The following SPATA17 variants were observed in gnomAD, a reference collection of about 807,000 sequenced individuals.
SPATA17 encodes spermatogenesis-associated protein 17.
A neutral mutation model predicts 62.2 loss-of-function variants in SPATA17; 53 were observed. The ratio of observed to expected loss-of-function variants is 0.85; its 90% CI spans 0.68 to 1.07. The LOEUF is 1.07. SPATA17 is among the 50% of genes least tolerant of loss of function. The pLI is 0.00. For synonymous variants in SPATA17, 146 were observed against 146.8 expected, an observed-to-expected ratio of 0.99 and a Z score of 0.04; for missense variants, 466 against 425.5, an observed-to-expected ratio of 1.10 and a Z score of -0.84.
At chr1:217,740,880 G>T (rs576364425) in intron 5 of SPATA17, among the ~76,000 whole-genome samples, 46 of 152,188 alleles carry the variant, frequency 3.0e-4, no homozygotes, top group Non-Finnish European at 5.6e-4. Flanking sequence ...ATCTTACGTT[G>T]AAAAAAATTG....
At chr1:217,718,478 A>G (rs1672056516) in intron 5 of SPATA17, among the ~76,000 whole-genome samples, 1 of 152,218 alleles carries the variant, frequency 6.6e-6, no homozygotes, top group Admixed American at 6.5e-5. Context: ...CAGGTGGTTT[A>G]GGTAACTTAA....
chr1:217,845,485 GCT>G (rs1676133725), intron 9 of SPATA17, among the ~76,000 whole-genome samples: 1 of 152,002 alleles, frequency 6.6e-6, no homozygotes, highest in South Asian at 2.1e-4. Context: ...TGCCTTTACA[GCT>G]CTCTCTGCAT....
At chr1:217,726,673 C>T (rs977349507) in intron 5 of SPATA17, among the ~76,000 whole-genome samples, 6 of 150,296 alleles carry the variant, frequency 4.0e-5, no homozygotes, top group African/African-American at 1.5e-4. Flanking sequence ...GTGACTGTTC[C>T]TTGTTTTCAT....
At chr1:217,700,672 C>T (rs1374353075) in intron 5 of SPATA17, among the ~76,000 whole-genome samples, 5 of 151,834 alleles carry the variant, frequency 3.3e-5, no homozygotes, top group East Asian at 1.9e-4. Flanking sequence ...CTGCACCCTC[C>T]GCCTCCCAGG....
chr1:217,747,674 G>A (rs978857378), intron 6 of SPATA17, among the ~76,000 whole-genome samples: 8 of 152,004 alleles, frequency 5.3e-5, no homozygotes, highest in Non-Finnish European at 1.0e-4. Flanking sequence ...ATTTGGTGTG[G>A]CATTTAAGGG....
intron 5 of SPATA17, among the ~76,000 whole-genome samples, chr1:217,709,213 G>A (rs1430060576): frequency 1.3e-5 from 2 of 152,108 alleles, no homozygotes; most frequent in Admixed American, 6.5e-5. Context: ...TTACTGTGTA[G>A]GAAATTATAC....
intron 5 of SPATA17, among the ~76,000 whole-genome samples, chr1:217,741,005 C>G (rs1243179711): frequency 3.3e-5 from 5 of 152,124 alleles, no homozygotes; most frequent in African/African-American, 1.2e-4. Flanking sequence ...AAAAATATTT[C>G]TAGACATTGA....
chr1:217,793,173 A>G (rs998738902), intron 8 of SPATA17, among the ~76,000 whole-genome samples: 10 of 151,628 alleles, frequency 6.6e-5, no homozygotes, highest in Admixed American at 6.6e-4. Flanking sequence ...TATAGAGAGA[A>G]GATTACAGAT....
Position 217,870,444 on chromosome 1 carries a change from A to T in SPATA17, c.*3425A>T, listed in dbSNP as rs1399663066. ...CCAGATGAGTAAAAACTGCCTTTGC[A>T]TTAAGGTGAGAGAAGACCGAGATGA... On this transcript the variant is annotated 3_prime_UTR_variant, in exon 11 of 11. Coordinates refer to ENST00000366933, the MANE Select transcript of SPATA17 (RefSeq NM_138796.4). 1.3e-5 allele frequency: 2 copies of T among 152,196 alleles called. No individual in the cohort carries two copies. Among genetic ancestry groups the T allele is most frequent in the Admixed American group, 1.3e-4 (2 of 15,272 alleles). The allele number at this position is 152,196 out of a possible 1,614,324, so 9.4% of individuals were successfully genotyped here. A position where few individuals can be genotyped will look rare whatever the true frequency, so the allele number is the denominator to read the frequency against.
chr1:217,652,459 C>G (rs895388173), intron 3 of SPATA17, among the ~76,000 whole-genome samples: 1 of 152,130 alleles, frequency 6.6e-6, no homozygotes, highest in Non-Finnish European at 1.5e-5. Context: ...GTCTCAAACT[C>G]CTGACCTCAG....
intron 3 of SPATA17, among the ~76,000 whole-genome samples, chr1:217,658,211 C>G (rs1208805016): frequency 2.0e-5 from 3 of 152,110 alleles, no homozygotes; most frequent in Non-Finnish European, 2.9e-5. Context: ...GTGTTTGGGT[C>G]ATGGGGGAGG....
At chr1:217,673,214 A>G (rs1670869633) in intron 4 of SPATA17, among the ~76,000 whole-genome samples, 1 of 152,090 alleles carries the variant, frequency 6.6e-6, no homozygotes, top group Non-Finnish European at 1.5e-5. Context: ...AGACTTCATG[A>G]GATTAAGGAT....
chr1:217,767,272 GT>G (rs1221066772), intron 6 of SPATA17, among the ~76,000 whole-genome samples: 6 of 152,042 alleles, frequency 3.9e-5, no homozygotes, highest in African/African-American at 1.4e-4. Context: ...TTTTTTCTTT[GT>G]GTCTTTTCAA....
chr1:217,764,289 C>T (rs552253768), intron 6 of SPATA17, among the ~76,000 whole-genome samples: 1 of 152,180 alleles, frequency 6.6e-6, no homozygotes, highest in African/African-American at 2.4e-5. Context: ...CTTTTACTAT[C>T]TGTCTCCAGA....
Position 217,730,145 on chromosome 1 carries a change from T to A in SPATA17, c.396-11830T>A, listed in dbSNP as rs372219743. Among the ~76,000 whole-genome samples the A allele has an allele frequency of 5.9e-5, 9 of 151,826 alleles. No individual in the cohort carries two copies. The East Asian group carries it at 1.5e-3, about 26-fold the overall frequency. ...AAACAGTTTTTTCTAGCACTGATCC[T>A]GAAAGAAATTTTACATATAAGTCCT... On this transcript the variant is annotated intron_variant, in intron 5 of 10. Coordinates refer to ENST00000366933, the MANE Select transcript of SPATA17 (RefSeq NM_138796.4).
rs899829205 is a variant in SPATA17, at chr1:217,870,382, C to T, written c.*3363C>T. ...CCTTAACCACCATCTGCCTCTCCCC[C>T]CAGACACACATAAGTTTATGATAAC... On this transcript the variant is annotated 3_prime_UTR_variant, in exon 11 of 11. Transcript: ENST00000366933. The T allele has an allele frequency of 6.6e-6, 1 of 152,108 alleles. No individual in the cohort carries two copies. The highest frequency in any genetic ancestry group is 1.5e-5 in the Non-Finnish European group (1 of 68,032). The allele number at this position is 152,108 out of a possible 1,614,324, so 9.4% of individuals were successfully genotyped here.
intron 1 of SPATA17, among the ~76,000 whole-genome samples, chr1:217,645,534 A>G (rs1427535121): frequency 6.6e-6 from 1 of 152,202 alleles, no homozygotes; most frequent in African/African-American, 2.4e-5. Context: ...TATATTAAGA[A>G]GATGAAAAAC....
chr1:217,840,227 C>A (rs547152602), intron 9 of SPATA17, among the ~76,000 whole-genome samples: 4 of 152,226 alleles, frequency 2.6e-5, no homozygotes, highest in Non-Finnish European at 4.4e-5. Context: ...TTTTAGATGT[C>A]TTTTTGCTAT....
intron 5 of SPATA17, among the ~76,000 whole-genome samples, chr1:217,721,606 G>A (rs539987753): frequency 2.0e-4 from 30 of 152,190 alleles, no homozygotes; most frequent in African/African-American, 6.5e-4. Context: ...TTGATTCAAG[G>A]TTGTTTATAT....
Sources: allele counts gnomAD v4.1 joint callset (sites outside exome capture counted in the v4.1 genomes callset), GRCh38; gene constraint gnomAD v4.1.1; transcripts MANE v1.5; gene names NCBI Gene and HGNC (gene_info 2026-07-23, HGNC 2026-07-21).